Variants in SLC25A26 observed in about 807,000 individuals in gnomAD.
The protein encoded by SLC25A26 is solute carrier family 25 member 26.
In SLC25A26, 36 loss-of-function variants were observed where a neutral mutation model predicts 37.8. The observed-to-expected ratio is 0.95, with a 90% confidence interval of 0.73 to 1.26. The LOEUF (loss-of-function observed/expected upper bound fraction) is 1.26, where lower values mean the gene tolerates loss of function less well. SLC25A26 is among the 50% of genes most tolerant of loss of function. SLC25A26 has a pLI of 0.00. For missense variants in SLC25A26, 390 were observed against 331.1 expected, an observed-to-expected ratio of 1.18 and a Z score of -1.38; for synonymous variants, 129 against 122.5, an observed-to-expected ratio of 1.05 and a Z score of -0.35.
intron 5 of SLC25A26, among the ~76,000 whole-genome samples, chr3:66,339,596 A>G (rs1005018509): frequency 1.3e-5 from 2 of 151,966 alleles, no homozygotes; most frequent in African/African-American, 2.4e-5. Context: ...TTTGTATCTC[A>G]TCATGGTTTT....
At chr3:66,348,517 C>G (rs560803502) in intron 6 of SLC25A26, among the ~76,000 whole-genome samples, 6 of 151,968 alleles carry the variant, frequency 3.9e-5, no homozygotes, top group African/African-American at 1.4e-4. Context: ...TTAGCTAATA[C>G]AAAAATAAAG....
chr3:66,188,078 C>T lies in SLC25A26; in HGVS notation c.-353-32664C>T, dbSNP rs902275346. Among the ~76,000 whole-genome samples the T allele has an allele frequency of 1.3e-3, 198 of 152,158 alleles. 1 individual carries two copies. Among genetic ancestry groups the T allele is most frequent in the African/African-American group, 4.6e-3 (189 of 41,494 alleles). Reference sequence around the variant, plus strand: ...ACCCTGAGACTCAGCTAACACTGAACGTCACTCTAATCCTCTCACTCACTG... The same window carrying T: ...ACCCTGAGACTCAGCTAACACTGAATGTCACTCTAATCCTCTCACTCACTG... On this transcript the variant is annotated intron_variant, in intron 1 of 10. Transcript: ENST00000676754.
intron 1 of SLC25A26, among the ~76,000 whole-genome samples, chr3:66,223,929 TAACTC>T (rs2071616907): frequency 1.3e-5 from 2 of 152,170 alleles, no homozygotes; most frequent in Non-Finnish European, 2.9e-5. Context: ...AAATAACATT[TAACTC>T]AGTGAAGACA....
At chr3:66,141,973 C>G (rs2070042561) in intron 1 of SLC25A26, among the ~76,000 whole-genome samples, 1 of 152,014 alleles carries the variant, frequency 6.6e-6, no homozygotes, top group Non-Finnish European at 1.5e-5. Flanking sequence ...TTTCACTTTC[C>G]TTTATTTAAA....
At chr3:66,145,817 G>A (rs1169693771) in intron 1 of SLC25A26, among the ~76,000 whole-genome samples, 1 of 151,666 alleles carries the variant, frequency 6.6e-6, no homozygotes, top group Non-Finnish European at 1.5e-5. Flanking sequence ...ATTTTTCCTC[G>A]CCTGAGTAAA....
chr3:66,294,050 C>T (rs527394494), intron 5 of SLC25A26, among the ~76,000 whole-genome samples: 19 of 151,870 alleles, frequency 1.3e-4, no homozygotes, highest in African/African-American at 3.6e-4. Flanking sequence ...TTTCTAGTTC[C>T]GTGAAGAATG....
chr3:66,201,225 A>G (rs2071104138), intron 1 of SLC25A26, among the ~76,000 whole-genome samples: 1 of 151,640 alleles, frequency 6.6e-6, no homozygotes, highest in South Asian at 2.1e-4. Flanking sequence ...TATATTTTAT[A>G]TATACACTTC....
At chr3:66,371,110 A>G in intron 9 of SLC25A26, 1 of 1,406,114 alleles carries the variant, frequency 7.1e-7, no homozygotes, top group Non-Finnish European at 9.2e-7. Context: ...CTCTCTCTGC[A>G]AGATTAAAAC....
At chr3:66,150,527 A>ATAT (rs1224325976) in intron 1 of SLC25A26, among the ~76,000 whole-genome samples, 1 of 35,432 alleles carries the variant, frequency 2.8e-5, no homozygotes, top group Non-Finnish European at 5.9e-5. Context: ...ATATAATGAT[A>ATAT]TATATATATA....
chr3:66,315,539 A>G (rs1418320579), intron 5 of SLC25A26, among the ~76,000 whole-genome samples: 1 of 152,046 alleles, frequency 6.6e-6, no homozygotes, highest in Non-Finnish European at 1.5e-5. Flanking sequence ...TTTTCTTCCA[A>G]TTGTGCGATC....
At chr3:66,311,452 G>C (rs556006922) in intron 5 of SLC25A26, among the ~76,000 whole-genome samples, 1 of 151,884 alleles carries the variant, frequency 6.6e-6, no homozygotes, top group Non-Finnish European at 1.5e-5. Context: ...CTTTAGCTCC[G>C]AGGAGTTTGT....
intron 1 of SLC25A26, among the ~76,000 whole-genome samples, chr3:66,212,513 G>A (rs1358064337): frequency 2.3e-4 from 35 of 152,254 alleles, no homozygotes; most frequent in African/African-American, 8.2e-4. Flanking sequence ...ATAGGGTTCA[G>A]TACTTTCTGA....
At chr3:66,313,944 T>C (rs1430801089) in intron 5 of SLC25A26, among the ~76,000 whole-genome samples, 1 of 152,202 alleles carries the variant, frequency 6.6e-6, no homozygotes, top group Non-Finnish European at 1.5e-5. Context: ...TGTATAGGAA[T>C]GCTTGTGACT....
intron 5 of SLC25A26, among the ~76,000 whole-genome samples, chr3:66,297,418 A>G (rs565279406): frequency 7.9e-5 from 12 of 151,558 alleles, no homozygotes; most frequent in Admixed American, 3.9e-4. Flanking sequence ...CTTTTTGATC[A>G]TTAAGCTACA....
At chr3:66,274,921 A>G (rs944429164) in intron 5 of SLC25A26, among the ~76,000 whole-genome samples, 2 of 152,152 alleles carry the variant, frequency 1.3e-5, no homozygotes, top group African/African-American at 4.8e-5. Context: ...AAAGGACTAT[A>G]AATCATGCTG....
intron 1 of SLC25A26, among the ~76,000 whole-genome samples, chr3:66,193,380 T>C (rs894997216): frequency 2.6e-5 from 4 of 152,206 alleles, no homozygotes; most frequent in African/African-American, 9.7e-5. Context: ...CTACTGCTTT[T>C]GTATTCTCTA....
intron 5 of SLC25A26, among the ~76,000 whole-genome samples, chr3:66,303,606 T>A (rs1261672819): frequency 6.6e-6 from 1 of 152,218 alleles, no homozygotes; most frequent in Non-Finnish European, 1.5e-5. Flanking sequence ...ACTTCAAGTG[T>A]CATGTAACAT....
At chr3:66,206,135 G>C (rs956504957) in intron 1 of SLC25A26, among the ~76,000 whole-genome samples, 6 of 152,248 alleles carry the variant, frequency 3.9e-5, no homozygotes, top group Middle Eastern at 3.4e-3. Flanking sequence ...CATGGTGCAA[G>C]AGAGAGGGCT....
chr3:66,194,302 C>G (rs2071002010), intron 1 of SLC25A26, among the ~76,000 whole-genome samples: 1 of 152,166 alleles, frequency 6.6e-6, no homozygotes, highest in African/African-American at 2.4e-5. Flanking sequence ...CTATTCCATG[C>G]TGGGTTGGGG....
Sources: gnomAD v4.1 joint callset for allele counts (sites outside exome capture counted in the v4.1 genomes callset) on GRCh38, gnomAD v4.1.1 for gene constraint, MANE v1.5 for transcripts, NCBI Gene and HGNC (gene_info 2026-07-23, HGNC 2026-07-21) for gene names.